Variants in THOC1 observed in about 807,000 individuals in gnomAD.
THOC1 encodes THO complex 1.
THOC1 carries 29 observed loss-of-function variants against 97.3 expected under a neutral mutation model. The ratio of observed to expected loss-of-function variants is 0.30; its 90% CI spans 0.22 to 0.41. The LOEUF is 0.41. THOC1 is among the 10% of genes least tolerant of loss of function. The probability of loss-of-function intolerance (pLI) is 1.00; values close to 1 mark genes in which losing one functional copy is unlikely to be tolerated. For synonymous variants in THOC1, 255 were observed against 257.0 expected (o/e 0.99, Z 0.07); for missense variants, 529 against 761.9 (o/e 0.69, Z 3.60).
At position 249,029 on chromosome 18, in the gene THOC1, C is replaced by T. The variant is rs751819368; in HGVS notation, c.678-1072G>A. Among the ~76,000 whole-genome samples the T allele has an allele frequency of 5.9e-5, 9 of 152,094 alleles. 1 individual carries two copies. In the South Asian group the frequency reaches 1.0e-3, roughly 18 times the overall value. ...CCTCCCAAAGTGCTGGGATTACAGG[C>T]GTGTACCACTGCACCCGGCCTATTC... On this transcript the variant is annotated intron_variant, in intron 9 of 20. Transcript: ENST00000261600.
intron 17 of THOC1, among the ~76,000 whole-genome samples, chr18:222,469 A>C (rs1278376559): frequency 6.6e-6 from 1 of 152,226 alleles, no homozygotes; most frequent in Non-Finnish European, 1.5e-5. Context: ...TGAAAAAGCA[A>C]GTAATACTTC....
intron 9 of THOC1, among the ~76,000 whole-genome samples, chr18:249,393 A>G (rs570717774): frequency 1.8e-4 from 28 of 152,252 alleles, no homozygotes; most frequent in Non-Finnish European, 3.8e-4. Context: ...CAGGCTGGGC[A>G]CGGTGGCTCA....
intron 11 of THOC1, among the ~76,000 whole-genome samples, chr18:228,744 C>A (rs758099349): frequency 6.6e-6 from 1 of 152,224 alleles, no homozygotes; most frequent in African/African-American, 2.4e-5. Flanking sequence ...CTTCTCTATA[C>A]CAACCCTCAG....
At chr18:225,456 C>CT in intron 12 of THOC1, 53 bp from the exon 13 acceptor site, 2 of 1,491,854 alleles carry the variant, frequency 1.3e-6, no homozygotes, top group Middle Eastern at 2.0e-4. Flanking sequence ...GCATATGCAA[C>CT]TTTAAGGTTT....
At position 254,418 on chromosome 18, in the gene THOC1, T is replaced by A; in HGVS notation, c.521-63A>T. 9.8e-7 allele frequency: 1 copy of A among 1,021,144 alleles called. No individual in the cohort carries two copies. The highest frequency in any genetic ancestry group is 1.5e-6 in the Non-Finnish European group (1 of 677,516). 63.3% of individuals were successfully genotyped at this position (1,021,144 alleles called of 1,614,324 possible). ...AGTGACACCTAAACTTATGTATAAC[T>A]TGTGTCATAATCAAAACTACAAAAT... On this transcript the variant is annotated intron_variant, in intron 7 of 20. Coordinates refer to ENST00000261600, the MANE Select transcript of THOC1 (RefSeq NM_005131.3). The surrounding 1 kb of genome is among the most constrained non-coding windows in gnomAD (Gnocchi z 4.1).
At position 254,299 on chromosome 18, in the gene THOC1, C is replaced by T; in HGVS notation, c.577G>A (p.Glu193Lys). Residue 193 changes from glutamate (E) to lysine (K), a missense_variant, in exon 8 of 21, where the codon GAG (glutamate) becomes AAG (lysine). This residue lies in a region of THOC1 where 92 missense variants were observed against 127.0 expected (regional missense o/e 0.72). Transcript: ENST00000261600. The surrounding 1 kb of genome is among the most constrained non-coding windows in gnomAD (Gnocchi z 4.1). ...TTCTGACCCAGGGTGCTTTCCTGCT[C>T]ATTTGTATTGAAAACAGTGACATTT... ...LENVTVFNTN[E>K]QESTLGQKHT... The T allele has an allele frequency of 6.3e-7, 1 of 1,584,024 alleles. No individual in the cohort carries two copies. The highest frequency in any genetic ancestry group is 1.2e-5 in the South Asian group (1 of 86,242).
At position 268,032 on chromosome 18, in the gene THOC1, G is replaced by C; in HGVS notation, c.-13C>G. ...GCGTCGGAGACATCTTCTCGGCTGC[G>C]CGTGCCCGCCACTGCGCTGCGGCGC... On this transcript the variant is annotated 5_prime_UTR_variant, in exon 1 of 21. Transcript: ENST00000261600. The C allele has an allele frequency of 6.4e-7, 1 of 1,568,052 alleles. No homozygotes were observed. Among genetic ancestry groups the C allele is most frequent in the Non-Finnish European group, 8.6e-7 (1 of 1,156,702 alleles).
intron 4 of THOC1, among the ~76,000 whole-genome samples, chr18:261,901 C>G (rs1204943420): frequency 1.3e-5 from 2 of 152,132 alleles, no homozygotes; most frequent in Non-Finnish European, 2.9e-5. Context: ...GTCTGGGAAC[C>G]ATTGGGTTAT....
chr18:241,382 C>CT (rs754957807), intron 11 of THOC1, among the ~76,000 whole-genome samples: 181 of 152,188 alleles, frequency 1.2e-3, no homozygotes, highest in Non-Finnish European at 1.9e-3. Flanking sequence ...CTGCCAGGAA[C>CT]TTTTTTTTAA....
rs772081290 is a variant in THOC1, at chr18:214,808, C to G, written c.1792G>C (p.Glu598Gln). Residue 598 changes from glutamate (E) to glutamine (Q), a missense_variant, in exon 21 of 21, where the codon GAA becomes CAA. By Grantham distance (29) the Glu-to-Gln change is conservative. This residue lies in a region of THOC1 where 98 missense variants were observed against 111.9 expected (regional missense o/e 0.88). Coordinates refer to ENST00000261600, the MANE Select transcript of THOC1 (RefSeq NM_005131.3). Reference sequence around the variant, plus strand: ...CTGTCACACTCAATCTGCCTAATTTCTGAGTCTTTCATTTCCAAGTAGGGA... The same window carrying G: ...CTGTCACACTCAATCTGCCTAATTTGTGAGTCTTTCATTTCCAAGTAGGGA... ...LAPYLEMKDSEIRQIECDSED... is the reference protein window; with the variant it reads ...LAPYLEMKDSQIRQIECDSED... The G allele has an allele frequency of 2.5e-6, 4 of 1,613,846 alleles. No homozygotes were observed. The Admixed American group carries it at 5.0e-5, about 20-fold the overall frequency.
rs756281137 is a variant in THOC1 at position 229,113 on chromosome 18, G to A, written c.919-2212C>T. 2.6e-5 allele frequency among the ~76,000 whole-genome samples: 4 copies of A among 152,048 alleles called. No individual in the cohort carries two copies. The South Asian group carries it at 6.2e-4, about 24-fold the overall frequency. Reference sequence around the variant, plus strand: ...TTTCCTTCTGTCACAACTCCTTCACGGCTAAAGGTATTCCATCTGGATTAC... The same window carrying A: ...TTTCCTTCTGTCACAACTCCTTCACAGCTAAAGGTATTCCATCTGGATTAC... On this transcript the variant is annotated intron_variant, in intron 11 of 20. Transcript: ENST00000261600.
At chr18:229,687 C>T (rs1016307875) in intron 11 of THOC1, among the ~76,000 whole-genome samples, 3 of 151,934 alleles carry the variant, frequency 2.0e-5, no homozygotes, top group East Asian at 1.9e-4. Context: ...GGTCTTGGGG[C>T]GGGGGAAGAA....
At chr18:250,370 CCA>C (rs1176494045) in intron 9 of THOC1, among the ~76,000 whole-genome samples, 1 of 152,164 alleles carries the variant, frequency 6.6e-6, no homozygotes, top group Non-Finnish European at 1.5e-5. Context: ...CTTCAACACT[CCA>C]CAGAAACTTT....
intron 11 of THOC1, among the ~76,000 whole-genome samples, chr18:236,661 C>T (rs986874561): frequency 1.3e-5 from 2 of 151,988 alleles, no homozygotes; most frequent in Non-Finnish European, 2.9e-5. Context: ...CCGCGCCCGG[C>T]GAAAGAATAA....
intron 4 of THOC1, chr18:263,406 G>C (rs1257062215): frequency 6.6e-6 from 1 of 152,482 alleles, no homozygotes; most frequent in Non-Finnish European, 1.5e-5. Flanking sequence ...ATGGCACCCA[G>C]TGCCCTTTAT....
chr18:214,651 G>A lies in THOC1; in HGVS notation c.1949C>T (p.Thr650Ile). The part of the protein sequence containing the change: ...SGLSDLAESL[T>I]NDNETNS The stretch of plus-strand genomic sequence containing the variant: ...CTAACTATTTGTCTCATTGTCATTA[G>A]TTAGACTTTCTGCAAGGTCACTTAA... The change falls in exon 21 of 21, where the codon ACT becomes ATT. Residue 650 changes from threonine to isoleucine, a missense_variant. Thr to Ile is a moderately conservative substitution (Grantham distance 89, BLOSUM62 -1). Coordinates refer to ENST00000261600, the MANE Select transcript of THOC1 (RefSeq NM_005131.3). The A allele has an allele frequency of 6.2e-7, 1 of 1,613,174 alleles. No individual in the cohort carries two copies. The highest frequency in any genetic ancestry group is 1.1e-5 in the South Asian group (1 of 90,910).
chr18:246,738 AGGCGGAGGGG>A (rs1268421323), intron 10 of THOC1, among the ~76,000 whole-genome samples: 2 of 152,002 alleles, frequency 1.3e-5, no homozygotes, highest in African/African-American at 4.8e-5. Flanking sequence ...GCACTTCGGG[AGGCGGAGGGG>A]GGCGGGTAAC....
chr18:264,107 G>A lies in THOC1; in HGVS notation c.190-15C>T. On this transcript the variant is annotated splice_polypyrimidine_tract_variant and intron_variant, in intron 3 of 20. Coordinates refer to ENST00000261600, the MANE Select transcript of THOC1 (RefSeq NM_005131.3). The stretch of plus-strand genomic sequence containing the variant: ...GAATGATTTATCTACCAACAGAGGA[G>A]AAACAATTTAATTTAGGGGCAAGAG... 10 of 1,593,884 alleles carry A rather than the reference G, an allele frequency of 6.3e-6. No homozygotes were observed. Among genetic ancestry groups the A allele is most frequent in the Non-Finnish European group, 8.6e-6 (10 of 1,165,490 alleles).
At position 242,773 on chromosome 18, in the gene THOC1, T is replaced by C. The variant is rs939110443; in HGVS notation, c.918+3551A>G. On this transcript the variant is annotated intron_variant, in intron 11 of 20. Coordinates refer to ENST00000261600, the MANE Select transcript of THOC1 (RefSeq NM_005131.3). The surrounding 1 kb of genome is among the most constrained non-coding windows in gnomAD (Gnocchi z 4.5). Reference sequence around the variant, plus strand: ...GACCTTTCTCATGACTTACCAAATCTATATCAAAAGTTGAAAGTAACATCA... The same window carrying C: ...GACCTTTCTCATGACTTACCAAATCCATATCAAAAGTTGAAAGTAACATCA... Among the ~76,000 whole-genome samples, 5 of 152,174 alleles carry C rather than the reference T, an allele frequency of 3.3e-5. No homozygotes were observed. Among genetic ancestry groups the C allele is most frequent in the Non-Finnish European group, 5.9e-5 (4 of 68,010 alleles).
Sources: gnomAD v4.1 joint callset for allele counts (sites outside exome capture counted in the v4.1 genomes callset) on GRCh38, gnomAD v4.1.1 for gene constraint, gnomAD v4.1.1 regional missense constraint, Gnocchi (gnomAD v3.1) non-coding constraint, MANE v1.5 for transcripts, NCBI Gene and HGNC (gene_info 2026-07-23, HGNC 2026-07-21) for gene names.